SCFD2: variants seen among roughly 807,000 people sequenced by gnomAD.
SCFD2 encodes sec1 family domain-containing protein 2.
A neutral mutation model predicts 58.9 loss-of-function variants in SCFD2; 54 were observed. The observed-to-expected ratio is 0.92, with a 90% confidence interval of 0.74 to 1.15. The LOEUF (loss-of-function observed/expected upper bound fraction) is 1.15. Ranked by LOEUF, SCFD2 falls within the 50% of genes most tolerant of loss-of-function variation. The pLI, the probability that SCFD2 is intolerant of heterozygous loss-of-function variation, is 0.00. For synonymous variants in SCFD2, 321 were observed against 335.9 expected (o/e 0.96, Z 0.49); for missense variants, 805 against 836.6 (o/e 0.96, Z 0.47).
At chr4:53,329,437 C>T (rs1187360105) in intron 2 of SCFD2, among the ~76,000 whole-genome samples, 1 of 151,744 alleles carries the variant, frequency 6.6e-6, no homozygotes, top group East Asian at 1.9e-4. Context: ...GTCCCTGACC[C>T]CTGACCCCCG....
intron 3 of SCFD2, among the ~76,000 whole-genome samples, chr4:53,292,622 C>A (rs112612268): frequency 0.015 from 2,265 of 152,008 alleles, 59 homozygotes; most frequent in African/African-American, 0.052. Context: ...ATTAATTCAA[C>A]CATTGTGGAC....
chr4:53,311,514 G>T (rs1249994482), intron 3 of SCFD2, among the ~76,000 whole-genome samples: 2 of 152,024 alleles, frequency 1.3e-5, no homozygotes, highest in African/African-American at 2.4e-5. Flanking sequence ...TCTTTTAAGA[G>T]TCCTGAATCG....
chr4:52,949,925 C>T (rs1022981161), intron 5 of SCFD2: 1 of 152,194 alleles, frequency 6.6e-6, no homozygotes, highest in African/African-American at 2.4e-5. Flanking sequence ...TGAAGCCTGG[C>T]TTTATGTCAG....
intron 5 of SCFD2, among the ~76,000 whole-genome samples, chr4:53,035,185 C>G (rs1722723704): frequency 1.3e-5 from 2 of 152,206 alleles, no homozygotes; most frequent in Admixed American, 1.3e-4. Flanking sequence ...CTACAACCAT[C>G]TGATCTTTGA....
chr4:52,894,064 C>G (rs1436022641), intron 7 of SCFD2, among the ~76,000 whole-genome samples: 1 of 152,208 alleles, frequency 6.6e-6, no homozygotes, highest in Non-Finnish European at 1.5e-5. Context: ...AACTACCTTG[C>G]TCTAGTTCTC....
chr4:53,160,321 G>T lies in SCFD2; in HGVS notation c.1312-14739C>A, dbSNP rs181699399. On this transcript the variant is annotated intron_variant, in intron 4 of 8. Coordinates refer to ENST00000401642, the MANE Select transcript of SCFD2 (RefSeq NM_152540.4). ...AAGAGAACAAACTAGAGGGACAAGG[G>T]TATAGGCAGGGAGACAGGAAGCAAT... Among the ~76,000 whole-genome samples the T allele has an allele frequency of 1.3e-3, 195 of 152,300 alleles. 2 individuals carry two copies. Among genetic ancestry groups the T allele is most frequent in the Non-Finnish European group, 1.8e-4 (12 of 68,022 alleles).
chr4:53,304,580 C>T (rs959483737), intron 3 of SCFD2, among the ~76,000 whole-genome samples: 8 of 151,924 alleles, frequency 5.3e-5, no homozygotes, highest in African/African-American at 1.9e-4. Context: ...AGTTCATCTT[C>T]AATCTCTGAT....
chr4:53,343,347 A>G (rs1416105341), intron 2 of SCFD2, among the ~76,000 whole-genome samples: 1 of 152,202 alleles, frequency 6.6e-6, no homozygotes. Flanking sequence ...AAACTAGAAA[A>G]CCTAGAAGAA....
chr4:53,008,708 A>G (rs1722033074), intron 5 of SCFD2, among the ~76,000 whole-genome samples: 1 of 152,230 alleles, frequency 6.6e-6, no homozygotes, highest in Non-Finnish European at 1.5e-5. Context: ...ACAAATCTAC[A>G]AAACTGTTGA....
intron 5 of SCFD2, among the ~76,000 whole-genome samples, chr4:52,951,910 T>G (rs1720602827): frequency 6.6e-6 from 1 of 152,180 alleles, no homozygotes; most frequent in African/African-American, 2.4e-5. Flanking sequence ...GCAGCAAAAC[T>G]TAATGGCGAT....
intron 5 of SCFD2, among the ~76,000 whole-genome samples, chr4:53,133,471 A>G (rs1457455023): frequency 6.6e-6 from 1 of 152,238 alleles, no homozygotes; most frequent in Non-Finnish European, 1.5e-5. Flanking sequence ...CTCAAACATA[A>G]TAAACAAAAC....
chr4:53,301,778 G>A (rs1732309977), intron 3 of SCFD2, among the ~76,000 whole-genome samples: 1 of 152,110 alleles, frequency 6.6e-6, no homozygotes, highest in Admixed American at 6.5e-5. Flanking sequence ...TCATCCCTGG[G>A]ATGCAAGGTT....
At chr4:53,173,943 A>G (rs1727253238) in intron 4 of SCFD2, among the ~76,000 whole-genome samples, 1 of 152,196 alleles carries the variant, frequency 6.6e-6, no homozygotes, top group Non-Finnish European at 1.5e-5. Flanking sequence ...ACTAAAGAAT[A>G]TGTTATATAA....
intron 5 of SCFD2, among the ~76,000 whole-genome samples, chr4:53,055,319 A>C (rs184241708): frequency 9.6e-4 from 146 of 152,212 alleles, no homozygotes; most frequent in African/African-American, 3.5e-3. Context: ...GTGATCAGTG[A>C]CACTCTCCAA....
chr4:53,181,591 G>C lies in SCFD2; in HGVS notation c.1312-36009C>G, dbSNP rs141571236. Among the ~76,000 whole-genome samples the C allele has an allele frequency of 3.4e-3, 517 of 152,222 alleles. 3 individuals carry two copies. Among genetic ancestry groups the C allele is most frequent in the Non-Finnish European group, 6.3e-3 (428 of 68,016 alleles). On this transcript the variant is annotated intron_variant, in intron 4 of 8. Coordinates refer to ENST00000401642, the MANE Select transcript of SCFD2 (RefSeq NM_152540.4). ...ACTGGAAGCATTCCCTTTGAAAACGGGTACAAGACAGAGATGCCCTCTCTC... is the reference window on the plus strand; with the variant it reads ...ACTGGAAGCATTCCCTTTGAAAACGCGTACAAGACAGAGATGCCCTCTCTC...
At chr4:53,254,200 A>T (rs1730510629) in intron 4 of SCFD2, among the ~76,000 whole-genome samples, 1 of 152,146 alleles carries the variant, frequency 6.6e-6, no homozygotes. Flanking sequence ...CTCACCTTGA[A>T]TCGTAATCCC....
intron 4 of SCFD2, among the ~76,000 whole-genome samples, chr4:53,231,035 G>A (rs1387565367): frequency 2.6e-5 from 4 of 152,072 alleles, no homozygotes; most frequent in Non-Finnish European, 4.4e-5. Flanking sequence ...TTGTGCCAGA[G>A]TGAGATGGAT....
chr4:53,159,131 G>A (rs540575405), intron 4 of SCFD2, among the ~76,000 whole-genome samples: 54 of 152,200 alleles, frequency 3.5e-4, no homozygotes, highest in African/African-American at 1.3e-3. Context: ...TTTGAATACA[G>A]TTGGTATTGA....
chr4:53,159,354 G>A (rs564670193), intron 4 of SCFD2, among the ~76,000 whole-genome samples: 9 of 152,198 alleles, frequency 5.9e-5, no homozygotes, highest in Admixed American at 1.3e-4. Context: ...CCAACTCAAC[G>A]CCATCTTTCT....
Sources: allele counts gnomAD v4.1 joint callset (sites outside exome capture counted in the v4.1 genomes callset), GRCh38; gene constraint gnomAD v4.1.1; transcripts MANE v1.5; gene names NCBI Gene and HGNC (gene_info 2026-07-23, HGNC 2026-07-21).